CFH: variants seen among roughly 807,000 people sequenced by gnomAD.
The protein encoded by CFH is complement factor H.
A neutral mutation model predicts 147.3 loss-of-function variants in CFH; 53 were observed. The observed-to-expected ratio is 0.36, with a 90% CI of 0.29 to 0.45. CFH has a LOEUF of 0.45. CFH is among the 20% of genes least tolerant of loss of function. CFH has a pLI of 1.00. For missense variants in CFH, 1,380 were observed against 1,498.0 expected, an observed-to-expected ratio of 0.92 and a Z score of 1.30; for synonymous variants, 536 against 489.4, an observed-to-expected ratio of 1.10 and a Z score of -1.26.
chr1:196,739,236 T>C (rs938895726), intron 17 of CFH, among the ~76,000 whole-genome samples: 1 of 152,232 alleles, frequency 6.6e-6, no homozygotes, highest in South Asian at 2.1e-4. Context: ...CCCGGAGATA[T>C]ATTCCCCATT....
intron 9 of CFH, among the ~76,000 whole-genome samples, chr1:196,693,477 G>A (rs1668136711): frequency 6.6e-6 from 1 of 152,042 alleles, no homozygotes. Flanking sequence ...CCCAGTAAAT[G>A]CCCGAAATGA....
In CFH at chr1:196,730,898, CT is replaced by C. The variant is rs1466684156; in HGVS notation, c.2413+2377del. ...TTGTCTGAAATGAGTATAACTACCCCTGTTCTCTTTTAGTTTTTATTTTTAT... is the reference window on the plus strand; with the variant it reads ...TTGTCTGAAATGAGTATAACTACCCCGTTCTCTTTTAGTTTTTATTTTTAT... On this transcript the variant is annotated intron_variant, in intron 15 of 21. Coordinates refer to ENST00000367429, the MANE Select transcript of CFH (RefSeq NM_000186.4). Among the ~76,000 whole-genome samples the C allele has an allele frequency of 6.6e-5, 10 of 151,854 alleles. No homozygotes were observed. The South Asian group carries it at 1.0e-3, about 16-fold the overall frequency.
At chr1:196,656,174 C>T (rs148621062) in intron 1 of CFH, among the ~76,000 whole-genome samples, 24 of 151,846 alleles carry the variant, frequency 1.6e-4, no homozygotes, top group African/African-American at 4.8e-4. Flanking sequence ...CGTGGTGGCG[C>T]GTGCCTGTAA....
chr1:196,740,484 T>C (rs1652773562), intron 17 of CFH, 135 bp from the exon 18 acceptor site: 1 of 854,178 alleles, frequency 1.2e-6, no homozygotes, highest in African/African-American at 1.7e-5. Flanking sequence ...TTAGGAAACA[T>C]TTGTGTTACT....
At chr1:196,742,096 C>A (rs1652827562) in intron 19 of CFH, 45 bp downstream of exon 19, 1 of 1,583,148 alleles carries the variant, frequency 6.3e-7, no homozygotes, top group South Asian at 1.1e-5. Flanking sequence ...ATGTGTGGGC[C>A]CAGCCCAGTG....
chr1:196,692,288 C>A, intron 9 of CFH: 1 of 264,014 alleles, frequency 3.8e-6, no homozygotes, highest in Non-Finnish European at 5.9e-6. Context: ...CATGACCTTT[C>A]ACCCAAATCT....
At chr1:196,666,368 T>C (rs1667085750) in intron 1 of CFH, among the ~76,000 whole-genome samples, 1 of 152,196 alleles carries the variant, frequency 6.6e-6, no homozygotes, top group African/African-American at 2.4e-5. Context: ...ATTCGAGTTA[T>C]ATTTTTTTCT....
intron 7 of CFH, among the ~76,000 whole-genome samples, chr1:196,687,384 G>A (rs778385953): frequency 6.6e-6 from 1 of 151,942 alleles, no homozygotes; most frequent in South Asian, 2.1e-4. Context: ...AAAAACAGAT[G>A]TAAATGTGAC....
At position 196,690,138 on chromosome 1, in the gene CFH, T is replaced by C. The variant is rs1667974239; in HGVS notation, c.1235T>C (p.Ile412Thr). 8 of 1,613,218 alleles carry C rather than the reference T, an allele frequency of 5.0e-6. No individual in the cohort carries two copies. Among genetic ancestry groups the C allele is most frequent in the East Asian group, 2.2e-5 (1 of 44,804 alleles). Reference protein sequence around the residue: ...HGRKFVQGKSIDVACHPGYAL... With the variant: ...HGRKFVQGKSTDVACHPGYAL... ...AGAAAGTTTGTACAGGGTAAATCTA[T>C]AGACGTTGCCTGCCATCCTGGCTAC... Residue 412 changes from isoleucine (I) to threonine (T), a missense_variant, in exon 9 of 22, where the codon ATA becomes ACA. Ile to Thr is a moderately conservative substitution (Grantham distance 89, BLOSUM62 -1). Transcript: ENST00000367429.
At chr1:196,700,017 A>T (rs954214474) in intron 9 of CFH, among the ~76,000 whole-genome samples, 1 of 152,152 alleles carries the variant, frequency 6.6e-6, no homozygotes, top group Non-Finnish European at 1.5e-5. Flanking sequence ...CAAACTTTCC[A>T]TTTGAGTTTC....
At chr1:196,652,541 T>C (rs2149064189) in intron 1 of CFH, among the ~76,000 whole-genome samples, 1 of 152,018 alleles carries the variant, frequency 6.6e-6, no homozygotes, top group Non-Finnish European at 1.5e-5. Flanking sequence ...GATGTGAATA[T>C]ACATAGTCAA....
At chr1:196,675,203 G>A (rs1667414189) in intron 3 of CFH, among the ~76,000 whole-genome samples, 1 of 152,126 alleles carries the variant, frequency 6.6e-6, no homozygotes, top group South Asian at 2.1e-4. Context: ...CTCTAGCAAT[G>A]ATTGCACATT....
chr1:196,712,231 T>C (rs1441144230), intron 9 of CFH, among the ~76,000 whole-genome samples: 1 of 152,088 alleles, frequency 6.6e-6, no homozygotes, highest in African/African-American at 2.4e-5. Context: ...TTTTACTTGA[T>C]TATTCTTGCC....
chr1:196,704,030 G>A (rs1668526761), intron 9 of CFH, among the ~76,000 whole-genome samples: 1 of 143,806 alleles, frequency 7.0e-6, no homozygotes, highest in African/African-American at 2.6e-5. Flanking sequence ...ATACATCCTT[G>A]AATGTCCTAT....
chr1:196,677,467 T>A lies in CFH; in HGVS notation c.428-9T>A. On this transcript the variant is annotated splice_polypyrimidine_tract_variant and intron_variant, in intron 4 of 21. Transcript: ENST00000367429. ...TTCCATTAGAAAACATTACATGTAT[T>A]TTCTTCAGTTGTGAAGTGTTTACCA... The A allele has an allele frequency of 6.2e-7, 1 of 1,611,924 alleles. No homozygotes were observed. Among genetic ancestry groups the A allele is most frequent in the East Asian group, 2.2e-5 (1 of 44,746 alleles).
chr1:196,673,893 G>T lies in CFH; in HGVS notation c.281G>T (p.Gly94Val). 1 of 1,613,056 alleles carries T rather than the reference G, an allele frequency of 6.2e-7. No individual in the cohort carries two copies. Among genetic ancestry groups the T allele is most frequent in the Non-Finnish European group, 8.5e-7 (1 of 1,179,672 alleles). Residue 94 changes from glycine (G) to valine (V), a missense_variant, in exon 3 of 22, where the codon GGT (glycine) becomes GTT (valine). Physicochemically the swap from Gly to Val is moderately radical, Grantham distance 109 (BLOSUM62 -3). Around this residue, in one of 4 missense-constraint regions of CFH, gnomAD observed 260 missense variants for 263.3 expected, o/e 0.99. Coordinates refer to ENST00000367429, the MANE Select transcript of CFH (RefSeq NM_000186.4). ...GGACATCCTGGAGATACTCCTTTTGGTACTTTTACCCTTACAGGAGGAAAT... is the reference window on the plus strand; with the variant it reads ...GGACATCCTGGAGATACTCCTTTTGTTACTTTTACCCTTACAGGAGGAAAT... ...PCGHPGDTPF[G>V]TFTLTGGNVF...
At chr1:196,710,674 T>C (rs184230466) in intron 9 of CFH, among the ~76,000 whole-genome samples, 2 of 152,324 alleles carry the variant, frequency 1.3e-5, no homozygotes, top group East Asian at 1.9e-4. Flanking sequence ...CTGGGACACA[T>C]TCACAGATGA....
chr1:196,704,590 G>A (rs1573045710), intron 9 of CFH, among the ~76,000 whole-genome samples: 1 of 152,178 alleles, frequency 6.6e-6, no homozygotes, highest in African/African-American at 2.4e-5. Flanking sequence ...TGGGCAGATG[G>A]GAGGCCAGGG....
intron 1 of CFH, among the ~76,000 whole-genome samples, chr1:196,672,044 G>C (rs1040529114): frequency 2.6e-5 from 4 of 151,928 alleles, no homozygotes; most frequent in African/African-American, 7.3e-5. Context: ...TTCTTATTGA[G>C]ACTTTTTTTC....
Sources: gnomAD v4.1 joint callset for allele counts (sites outside exome capture counted in the v4.1 genomes callset) on GRCh38, gnomAD v4.1.1 for gene constraint, gnomAD v4.1.1 regional missense constraint, MANE v1.5 for transcripts, NCBI Gene and HGNC (gene_info 2026-07-23, HGNC 2026-07-21) for gene names.